OCA2: variants seen among roughly 807,000 people sequenced by gnomAD.
OCA2 encodes the protein P protein.
OCA2 carries 77 observed loss-of-function variants against 100.2 expected under a neutral mutation model. The observed-to-expected ratio is 0.77, with a 90% CI of 0.64 to 0.93. OCA2 has a LOEUF of 0.93. OCA2 is among the 40% of genes least tolerant of loss of function. The probability of loss-of-function intolerance (pLI) is 0.00; values close to 1 mark genes in which losing one functional copy is unlikely to be tolerated. For synonymous variants in OCA2, 432 were observed against 439.2 expected (o/e 0.98, Z 0.21); for missense variants, 1,062 against 1,089.1 (o/e 0.98, Z 0.35).
rs1236689014 is a variant in OCA2, at chr15:27,888,926, C to T, written c.2080-17004G>A. ...AAATGTAAACGAGACCTGGTGCCTTCCCTCATGTGAGGAAGCAGTTTGATA... is the reference window on the plus strand; with the variant it reads ...AAATGTAAACGAGACCTGGTGCCTTTCCTCATGTGAGGAAGCAGTTTGATA... On this transcript the variant is annotated intron_variant, in intron 19 of 23. Transcript: ENST00000354638. 2.6e-5 allele frequency among the ~76,000 whole-genome samples: 4 copies of T among 152,080 alleles called. No individual in the cohort carries two copies. In the South Asian group the frequency reaches 8.3e-4, roughly 32 times the overall value.
chr15:28,020,242 G>A (rs979525276), intron 6 of OCA2, among the ~76,000 whole-genome samples: 1 of 152,120 alleles, frequency 6.6e-6, no homozygotes, highest in African/African-American at 2.4e-5. Context: ...AAGGAGCTCG[G>A]CAAAATGCCT....
At chr15:27,841,996 G>A (rs974919648) in intron 23 of OCA2, among the ~76,000 whole-genome samples, 3 of 152,136 alleles carry the variant, frequency 2.0e-5, no homozygotes, top group African/African-American at 7.2e-5. Context: ...TTTAACCAGC[G>A]GTTCTATGTC....
In OCA2 at chr15:28,033,804, CCT is replaced by C. The variant is rs975396135; in HGVS notation, c.228-1643_228-1642del. Among the ~76,000 whole-genome samples the C allele has an allele frequency of 3.9e-5, 6 of 152,158 alleles. No individual in the cohort carries two copies. The South Asian group carries it at 6.2e-4, about 16-fold the overall frequency. ...GGCTTATAGTTGAGATCCTCCCACC[CCT>C]GTTTCCCATAACTATAAATCTGTAA... On this transcript the variant is annotated intron_variant, in intron 2 of 23. Coordinates refer to ENST00000354638, the MANE Select transcript of OCA2 (RefSeq NM_000275.3).
intron 11 of OCA2, among the ~76,000 whole-genome samples, chr15:27,988,936 G>C (rs1212844836): frequency 6.6e-6 from 1 of 152,168 alleles, no homozygotes; most frequent in East Asian, 1.9e-4. Context: ...TGTTGGCAAG[G>C]AAAATGAGGA....
At chr15:27,854,918 G>T (rs1179171249) in intron 21 of OCA2, among the ~76,000 whole-genome samples, 1 of 152,180 alleles carries the variant, frequency 6.6e-6, no homozygotes, top group Non-Finnish European at 1.5e-5. Context: ...ATCAAGGGAG[G>T]AGGCAATGTC....
rs369765948 is a variant in OCA2 at position 27,992,237 on chromosome 15, A to G, written c.1045-1590T>C. On this transcript the variant is annotated intron_variant, in intron 9 of 23. Coordinates refer to ENST00000354638, the MANE Select transcript of OCA2 (RefSeq NM_000275.3). ...TGCCTCAGCCTCCCAAGTAGCTGCA[A>G]TTACAGGCACCCACCACCACACCTG... Among the ~76,000 whole-genome samples the G allele has an allele frequency of 1.9e-3, 291 of 152,198 alleles. 3 individuals carry two copies. The highest frequency in any genetic ancestry group is 6.7e-3 in the African/African-American group (280 of 41,514).
chr15:28,018,954 C>G (rs1016031387), intron 6 of OCA2, among the ~76,000 whole-genome samples: 3 of 152,180 alleles, frequency 2.0e-5, no homozygotes, highest in Non-Finnish European at 4.4e-5. Context: ...CTTCATCAAA[C>G]CTAGCATCAA....
intron 14 of OCA2, among the ~76,000 whole-genome samples, chr15:27,967,177 A>G (rs1007419886): frequency 2.0e-5 from 3 of 152,154 alleles, no homozygotes; most frequent in Non-Finnish European, 4.4e-5. Context: ...TCCTCCGCAC[A>G]GGCAGCAGCT....
intron 2 of OCA2, among the ~76,000 whole-genome samples, chr15:28,040,560 G>GT (rs2043173155): frequency 1.3e-5 from 2 of 152,086 alleles, no homozygotes; most frequent in Admixed American, 1.3e-4. Flanking sequence ...CCAAAAGTTG[G>GT]TTTTTTGAAG....
the OCA2 span, among the ~76,000 whole-genome samples, chr15:27,747,769 G>A: frequency 3.3e-5 from 5 of 151,982 alleles, no homozygotes; most frequent in Admixed American, 6.6e-5. Context: ...GAGTATTCTC[G>A]TTTGATCACA....
intron 9 of OCA2, among the ~76,000 whole-genome samples, chr15:28,005,088 A>C (rs1274607964): frequency 2.0e-5 from 3 of 152,142 alleles, no homozygotes; most frequent in African/African-American, 7.2e-5. Context: ...CCGTGGTGTC[A>C]GGGCGTCCAG....
chr15:27,927,488 C>T (rs1001127785), intron 18 of OCA2, among the ~76,000 whole-genome samples: 2 of 152,138 alleles, frequency 1.3e-5, no homozygotes, highest in Non-Finnish European at 2.9e-5. Context: ...TTTGTATGTA[C>T]ACATGCTTTC....
intron 18 of OCA2, among the ~76,000 whole-genome samples, chr15:27,941,920 TTCA>T (rs1421486242): frequency 6.6e-6 from 1 of 152,174 alleles, no homozygotes; most frequent in African/African-American, 2.4e-5. Context: ...CTCAATGTCA[TTCA>T]TCACTAGGAA....
chr15:27,941,157 A>T (rs953414822), intron 18 of OCA2, among the ~76,000 whole-genome samples: 18 of 152,218 alleles, frequency 1.2e-4, no homozygotes, highest in African/African-American at 4.3e-4. Context: ...TATAATTTAC[A>T]TAGAAAAATG....
chr15:27,785,883 A>G (rs545776862), intron 23 of OCA2, among the ~76,000 whole-genome samples: 2 of 152,368 alleles, frequency 1.3e-5, no homozygotes, highest in South Asian at 4.1e-4. Context: ...TGGTATAAAC[A>G]TACAATGGAA....
intron 2 of OCA2, among the ~76,000 whole-genome samples, chr15:28,051,885 C>CT (rs2043529780): frequency 6.6e-6 from 1 of 152,092 alleles, no homozygotes; most frequent in African/African-American, 2.4e-5. Flanking sequence ...GCCTTGTGCC[C>CT]TGTAGCACAC....
In OCA2 at chr15:27,986,606, A is replaced by C. The variant is rs1193068751; in HGVS notation, c.1220T>G (p.Phe407Cys). 6.3e-7 allele frequency: 1 copy of C among 1,592,882 alleles called. No homozygotes were observed. Among genetic ancestry groups the C allele is most frequent in the Non-Finnish European group, 8.6e-7 (1 of 1,160,334 alleles). ...ACCTACCTTTACAGCACAATAATCG[A>C]AAAATCCCGTTTCTGAAAATATGGC... The part of the protein sequence containing the change: ...LVAIFSETGF[F>C]DYCAVKAYRL... The change falls in exon 12 of 24, where the codon TTC becomes TGC. Residue 407 changes from phenylalanine (F) to cysteine (C), a missense_variant. Coordinates refer to ENST00000354638, the MANE Select transcript of OCA2 (RefSeq NM_000275.3).
At position 27,810,086 on chromosome 15, in the gene OCA2, A is replaced by T. The variant is rs561602489; in HGVS notation, c.2432+34873T>A. Among the ~76,000 whole-genome samples the T allele has an allele frequency of 1.2e-3, 183 of 152,340 alleles. 4 individuals carry two copies. The South Asian group carries it at 0.038, about 31-fold the overall frequency. On this transcript the variant is annotated intron_variant, in intron 23 of 23. Coordinates refer to ENST00000354638, the MANE Select transcript of OCA2 (RefSeq NM_000275.3). ...AGCAAACTTAAGCAAAAAATAACAA[A>T]TCTTGAGACATCACATTATTGGACT...
chr15:27,785,964 G>A (rs2032796146), intron 23 of OCA2, among the ~76,000 whole-genome samples: 1 of 152,280 alleles, frequency 6.6e-6, no homozygotes, highest in Admixed American at 6.5e-5. Flanking sequence ...AAAGCATTAC[G>A]CTAAGTGAAA....
Sources: gnomAD v4.1 joint callset for allele counts (sites outside exome capture counted in the v4.1 genomes callset) on GRCh38, gnomAD v4.1.1 for gene constraint, MANE v1.5 for transcripts, NCBI Gene and HGNC (gene_info 2026-07-23, HGNC 2026-07-21) for gene names.